The following DNAJB13 variants were observed in gnomAD, a reference collection of about 807,000 sequenced individuals.
DNAJB13 encodes dnaJ homolog subfamily B member 13.
Under a neutral mutation model 35.6 loss-of-function variants are expected in DNAJB13, and 22 were observed. The ratio of observed to expected loss-of-function variants is 0.62; its 90% CI spans 0.44 to 0.88. DNAJB13 has a LOEUF of 0.88. Ranked by LOEUF, DNAJB13 falls within the 40% of genes least tolerant of loss-of-function variation. The probability of loss-of-function intolerance (pLI) is 0.00; values close to 1 mark genes in which losing one functional copy is unlikely to be tolerated. For synonymous variants in DNAJB13, 136 were observed against 144.2 expected, an observed-to-expected ratio of 0.94 and a Z score of 0.41; for missense variants, 370 against 384.3, an observed-to-expected ratio of 0.96 and a Z score of 0.31.
In DNAJB13 at chr11:73,969,289, G is replaced by A. The variant is rs749872267; in HGVS notation, c.764G>A (p.Arg255His). The A allele has an allele frequency of 2.8e-5, 24 of 872,534 alleles. No individual in the cohort carries two copies. The highest frequency in any genetic ancestry group is 6.8e-5 in the Admixed American group (4 of 59,138). The allele number at this position is 872,534 out of a possible 1,614,324, so 54.0% of individuals were successfully genotyped here. A position where few individuals can be genotyped will look rare whatever the true frequency, so the allele number is the denominator to read the frequency against. The change falls in exon 7 of 8, where the codon CGT becomes CAT. Residue 255 changes from arginine to histidine, a missense_variant. Arg to His is a conservative substitution (Grantham distance 29, BLOSUM62 0). Transcript: ENST00000339764. The part of the protein sequence containing the change: ...CTVEVRTLDD[R>H]LLNIPINDII... The stretch of plus-strand genomic sequence containing the variant: ...GTGGAGGTGAGGACCCTAGATGACC[G>A]TCTGCTCAACATCCCCATCAATGAC...
chr11:73,958,017 T>C (rs1950807086), intron 1 of DNAJB13, among the ~76,000 whole-genome samples: 2 of 152,134 alleles, frequency 1.3e-5, no homozygotes, highest in African/African-American at 4.8e-5. Flanking sequence ...GAGTCCTGTG[T>C]CTTGCAGGAA....
rs186414805 is a variant in DNAJB13 at position 73,959,674 on chromosome 11, C to G, written c.334+19C>G. The G allele has an allele frequency of 3.1e-6, 5 of 1,608,668 alleles. No homozygotes were observed. Among genetic ancestry groups the G allele is most frequent in the Admixed American group, 1.7e-5 (1 of 59,784 alleles). ...TTCAGTGGTAAGAGGTCTTCCTCCC[C>G]CACCTTGCCTTATAGAGAAAGGACA... On this transcript the variant is annotated intron_variant, in intron 3 of 7. Coordinates refer to ENST00000339764, the MANE Select transcript of DNAJB13 (RefSeq NM_153614.4).
intron 1 of DNAJB13, among the ~76,000 whole-genome samples, chr11:73,956,844 A>AATTTAT (rs1950757901): frequency 6.6e-6 from 1 of 150,756 alleles, no homozygotes; most frequent in Non-Finnish European, 1.5e-5. Context: ...GGGCTCAGTG[A>AATTTAT]ATTTATGATA....
chr11:73,961,640 G>C (rs555302994), intron 3 of DNAJB13, among the ~76,000 whole-genome samples: 5 of 152,334 alleles, frequency 3.3e-5, no homozygotes, highest in African/African-American at 1.2e-4. Context: ...AAGCAGCTCA[G>C]GAACTACCTG....
rs1399224879 is a variant in DNAJB13 at position 73,969,970 on chromosome 11, C to T, written c.807C>T (p.Tyr269=). The change falls in exon 8 of 8, where the codon TAC becomes TAT. Residue 269 remains tyrosine (Y), a synonymous_variant. Transcript: ENST00000339764. ...TTTCATCCTATTTCAGCCCCAAATA[C>T]TTCAAGAAGGTGCCAGGGGAGGGGA... ...IPINDIIHPK[Y]FKKVPGEGMP... 13 of 1,609,348 alleles carry T rather than the reference C, an allele frequency of 8.1e-6. No homozygotes were observed. The highest frequency in any genetic ancestry group is 1.1e-5 in the South Asian group (1 of 89,910).
intron 2 of DNAJB13, among the ~76,000 whole-genome samples, chr11:73,958,913 G>GA (rs1181676017): frequency 6.6e-6 from 1 of 152,212 alleles, no homozygotes; most frequent in Admixed American, 6.5e-5. Flanking sequence ...GCAGAGTGAA[G>GA]AAAGTGTGAT....
chr11:73,966,537 A>G (rs1951121303), intron 5 of DNAJB13, among the ~76,000 whole-genome samples: 2 of 152,128 alleles, frequency 1.3e-5, no homozygotes, highest in African/African-American at 4.8e-5. Context: ...CCAGGGCAAG[A>G]ACATGGGAGC....
chr11:73,953,844 C>T (rs574584362), intron 1 of DNAJB13, among the ~76,000 whole-genome samples: 1 of 151,722 alleles, frequency 6.6e-6, no homozygotes, highest in Admixed American at 6.6e-5. Context: ...CTAAAAAATA[C>T]AAAAAATTAG....
intron 3 of DNAJB13, among the ~76,000 whole-genome samples, chr11:73,962,677 C>A (rs1950967423): frequency 6.6e-6 from 1 of 152,166 alleles, no homozygotes; most frequent in African/African-American, 2.4e-5. Context: ...ACACCTCTTG[C>A]CCCTTCTCCC....
Position 73,966,135 on chromosome 11 carries a change from T to C in DNAJB13, c.493-3T>C, listed in dbSNP as rs144296663. On this transcript the variant is annotated splice_region_variant and splice_polypyrimidine_tract_variant and intron_variant, in intron 4 of 7. Coordinates refer to ENST00000339764, the MANE Select transcript of DNAJB13 (RefSeq NM_153614.4). ...CCTCCCCACACCTGATATGTTGCTATAGGTGCTGAACGAGGATGGGTACTC... is the reference window on the plus strand; with the variant it reads ...CCTCCCCACACCTGATATGTTGCTACAGGTGCTGAACGAGGATGGGTACTC... The C allele has an allele frequency of 4.7e-4, 757 of 1,611,406 alleles. No individual in the cohort carries two copies. The highest frequency in any genetic ancestry group is 5.8e-4 in the Non-Finnish European group (680 of 1,179,000).
chr11:73,964,485 C>G (rs1951022518), intron 3 of DNAJB13: 2 of 253,668 alleles, frequency 7.9e-6, no homozygotes, highest in Non-Finnish European at 1.5e-5. Flanking sequence ...TCTCTTCTGG[C>G]ACTCCTGAGC....
At chr11:73,956,946 C>T (rs1950761281) in intron 1 of DNAJB13, among the ~76,000 whole-genome samples, 1 of 152,010 alleles carries the variant, frequency 6.6e-6, no homozygotes, top group African/African-American at 2.4e-5. Flanking sequence ...CTGTGAGAGA[C>T]AGAAGCCTGC....
rs1950857653 is a variant in DNAJB13, at chr11:73,959,397, G to A, written c.173-97G>A. ...GGCACTTTGGGATCAGGCTGCTTCT[G>A]CCCCTTCCCTTTCTCCATATCCGCC... On this transcript the variant is annotated intron_variant, in intron 2 of 7. Coordinates refer to ENST00000339764, the MANE Select transcript of DNAJB13 (RefSeq NM_153614.4). The A allele has an allele frequency of 2.1e-6, 3 of 1,420,096 alleles. No individual in the cohort carries two copies. The South Asian group carries it at 4.3e-5, about 20-fold the overall frequency. 88.0% of individuals were successfully genotyped at this position (1,420,096 alleles called of 1,614,324 possible). A position where few individuals can be genotyped will look rare whatever the true frequency, so the allele number is the denominator to read the frequency against.
In DNAJB13 at chr11:73,965,691, A is replaced by T. The variant is rs369199016; in HGVS notation, c.493-447A>T. On this transcript the variant is annotated intron_variant, in intron 4 of 7. Coordinates refer to ENST00000339764, the MANE Select transcript of DNAJB13 (RefSeq NM_153614.4). ...GGGGAATGCACTGGGGGAGGCTTAGATATGTTGACTTTCATTTCTCTCTTT... is the reference window on the plus strand; with the variant it reads ...GGGGAATGCACTGGGGGAGGCTTAGTTATGTTGACTTTCATTTCTCTCTTT... The T allele has an allele frequency of 5.1e-4, 87 of 170,990 alleles. 1 individual carries two copies. The highest frequency in any genetic ancestry group is 1.9e-3 in the African/African-American group (80 of 42,058). The allele number at this position is 170,990 out of a possible 1,614,324, so 10.6% of individuals were successfully genotyped here.
rs372570376 is a variant in DNAJB13, at chr11:73,967,958, CAG to C, written c.607-384_607-383del. ...CCCCAGCGCCCAGAAGAGACCTCAG[CAG>C]AGTTTTGGTGACTTAATGAAGTTTG... On this transcript the variant is annotated intron_variant, in intron 5 of 7. Transcript: ENST00000339764. The C allele has an allele frequency of 1.3e-3, 454 of 338,296 alleles. 4 individuals carry two copies. The highest frequency in any genetic ancestry group is 9.0e-3 in the African/African-American group (431 of 47,762). 21.0% of individuals were successfully genotyped at this position (338,296 alleles called of 1,614,324 possible). A position where few individuals can be genotyped will look rare whatever the true frequency, so the allele number is the denominator to read the frequency against.
intron 5 of DNAJB13, among the ~76,000 whole-genome samples, chr11:73,967,565 C>T (rs1290281512): frequency 6.6e-6 from 1 of 151,994 alleles, no homozygotes; most frequent in African/African-American, 2.4e-5. Context: ...GGCAACATAG[C>T]GAGACCTTGT....
chr11:73,957,073 T>A (rs1950767433), intron 1 of DNAJB13, among the ~76,000 whole-genome samples: 1 of 152,020 alleles, frequency 6.6e-6, no homozygotes, highest in Admixed American at 6.5e-5. Context: ...ATGACAGGCG[T>A]CTGTGCTGGA....
chr11:73,966,094 G>A (rs1951106642), intron 4 of DNAJB13, 44 bp from the exon 5 acceptor site: 1 of 1,560,722 alleles, frequency 6.4e-7, no homozygotes. Context: ...CTGTACTCAT[G>A]GAAGTCCTAA....
At chr11:73,951,264 T>G in intron 1 of DNAJB13, 127 bp downstream of exon 1, 1 of 1,145,224 alleles carries the variant, frequency 8.7e-7, no homozygotes, top group Non-Finnish European at 1.3e-6. Context: ...CTTTCACTTC[T>G]TGCATACCTG....
Sources: allele counts gnomAD v4.1 joint callset (sites outside exome capture counted in the v4.1 genomes callset), GRCh38; gene constraint gnomAD v4.1.1; transcripts MANE v1.5; gene names NCBI Gene and HGNC (gene_info 2026-07-23, HGNC 2026-07-21).